ATP8B4: variants seen among roughly 807,000 people sequenced by gnomAD.
ATP8B4 encodes the protein probable phospholipid-transporting ATPase IM.
ATP8B4 carries 133 observed loss-of-function variants against 145.6 expected under a neutral mutation model. That is an observed-to-expected ratio of 0.91 (90% confidence interval 0.79 to 1.05). ATP8B4 has a LOEUF of 1.05. Among genes scored for constraint, ATP8B4 ranks in the 50% least tolerant of loss-of-function variants. The pLI, the probability that ATP8B4 is intolerant of heterozygous loss-of-function variation, is 0.00. For synonymous variants in ATP8B4, 507 were observed against 492.9 expected (o/e 1.03, Z -0.38); for missense variants, 1,458 against 1,425.2 (o/e 1.02, Z -0.37).
At chr15:50,003,280 G>C (rs2048046535) in intron 7 of ATP8B4, among the ~76,000 whole-genome samples, 1 of 145,160 alleles carries the variant, frequency 6.9e-6, no homozygotes, top group South Asian at 2.1e-4. Context: ...GTGCATGTGT[G>C]TGTGTGTGTG....
intron 17 of ATP8B4, chr15:49,922,518 G>T: frequency 3.1e-6 from 1 of 326,238 alleles, no homozygotes; most frequent in South Asian, 2.5e-5. Flanking sequence ...TGAGACAGAG[G>T]ATTTTTTTTA....
intron 13 of ATP8B4, among the ~76,000 whole-genome samples, chr15:49,963,620 G>A (rs1249706808): frequency 6.6e-6 from 1 of 152,150 alleles, no homozygotes; most frequent in Non-Finnish European, 1.5e-5. Context: ...GACATGGATA[G>A]AGCTGGAATC....
chr15:50,100,035 C>CA (rs751319243), intron 2 of ATP8B4, among the ~76,000 whole-genome samples: 11,000 of 79,956 alleles, frequency 0.14, 837 homozygotes, highest in Middle Eastern at 0.2. Flanking sequence ...AACTCCATCT[C>CA]AAAAAAAAAA....
intron 1 of ATP8B4, among the ~76,000 whole-genome samples, chr15:50,172,112 T>C (rs1473268058): frequency 3.3e-5 from 5 of 152,234 alleles, no homozygotes; most frequent in Non-Finnish European, 7.3e-5. Flanking sequence ...AGCAGTATTC[T>C]ACCAGACATT....
At position 50,106,390 on chromosome 15, in the gene ATP8B4, T is replaced by C. The variant is rs184004063; in HGVS notation, c.28+549A>G. Among the ~76,000 whole-genome samples, 214 of 152,326 alleles carry C rather than the reference T, an allele frequency of 1.4e-3. 3 individuals carry two copies. Among genetic ancestry groups the C allele is most frequent in the Admixed American group, 0.011 (174 of 15,292 alleles). ...TCAGCAAACTGAAAAGTGTTAATAA[T>C]ACTATTAATTACTCAACCAAATTAC... On this transcript the variant is annotated intron_variant, in intron 2 of 27. Transcript: ENST00000284509.
intron 20 of ATP8B4, chr15:49,908,021 G>C (rs1334087004): frequency 4.4e-6 from 2 of 455,822 alleles, no homozygotes; most frequent in Non-Finnish European, 8.8e-6. Flanking sequence ...CTGAACCACG[G>C]ACTACTTTGG....
Position 49,975,870 on chromosome 15 carries a change from A to AT in ATP8B4, c.1035-3081_1035-3080insA, listed in dbSNP as rs2045612229. The stretch of plus-strand genomic sequence containing the variant: ...GGATATTTCAGTTTCACGTCTTTGT[A>AT]ATTTACAAGGATATCCAGAACAGTA... On this transcript the variant is annotated intron_variant, in intron 12 of 27. Transcript: ENST00000284509. 4.6e-5 allele frequency among the ~76,000 whole-genome samples: 7 copies of AT among 152,148 alleles called. No homozygotes were observed. The South Asian group carries it at 1.0e-3, about 23-fold the overall frequency.
chr15:49,932,091 G>C (rs2041314821), intron 15 of ATP8B4, among the ~76,000 whole-genome samples: 1 of 151,474 alleles, frequency 6.6e-6, no homozygotes, highest in Non-Finnish European at 1.5e-5. Context: ...ATTAATTAAT[G>C]TTTAAAGACT....
At chr15:50,091,122 C>T (rs1236937950) in intron 2 of ATP8B4, among the ~76,000 whole-genome samples, 2 of 151,994 alleles carry the variant, frequency 1.3e-5, no homozygotes, top group Non-Finnish European at 2.9e-5. Context: ...AAAATTAAGT[C>T]CAGAAATTTA....
chr15:49,878,744 A>G (rs1196151875), intron 24 of ATP8B4, among the ~76,000 whole-genome samples: 1 of 152,110 alleles, frequency 6.6e-6, no homozygotes, highest in African/African-American at 2.4e-5. Context: ...AAAGAAATCC[A>G]TGCTCTTTCT....
intron 2 of ATP8B4, among the ~76,000 whole-genome samples, chr15:50,095,903 ATTC>A (rs1267675675): frequency 6.6e-6 from 1 of 152,232 alleles, no homozygotes; most frequent in Non-Finnish European, 1.5e-5. Context: ...GACTTCGAAG[ATTC>A]TTCTAATTCC....
At chr15:50,072,962 CTCTCTCTCTCTCTCTCTCTATA>C (rs2053879198) in intron 3 of ATP8B4, among the ~76,000 whole-genome samples, 1 of 34,036 alleles carries the variant, frequency 2.9e-5, no homozygotes. Flanking sequence ...CTCTCTCTCT[CTCTCTCTCTCTCTCTCTCTATA>C]TATATATATA....
rs1049925445 is a variant in ATP8B4 at position 50,043,085 on chromosome 15, A to C, written c.300+1509T>G. Among the ~76,000 whole-genome samples, 6 of 152,366 alleles carry C rather than the reference A, an allele frequency of 3.9e-5. No individual in the cohort carries two copies. The South Asian group carries it at 1.2e-3, about 32-fold the overall frequency. On this transcript the variant is annotated intron_variant, in intron 5 of 27. Coordinates refer to ENST00000284509, the MANE Select transcript of ATP8B4 (RefSeq NM_024837.4). Reference sequence around the variant, plus strand: ...ATTTTAAAGATACAGATGGGTTAAAAATAGGCAACAGGAAATATGGGTGTG... The same window carrying C: ...ATTTTAAAGATACAGATGGGTTAAACATAGGCAACAGGAAATATGGGTGTG...
In ATP8B4 at chr15:50,170,048, T is replaced by C. The variant is rs948999686; in HGVS notation, c.-43+12213A>G. Among the ~76,000 whole-genome samples, 5 of 152,030 alleles carry C rather than the reference T, an allele frequency of 3.3e-5. 1 individual carries two copies. Among genetic ancestry groups the C allele is most frequent in the Non-Finnish European group, 2.9e-5 (2 of 68,012 alleles). Reference sequence around the variant, plus strand: ...TGGGATTATGTTAAATGACCAAACCTAAAACTCATCAGTGTACCTGAGGAA... The same window carrying C: ...TGGGATTATGTTAAATGACCAAACCCAAAACTCATCAGTGTACCTGAGGAA... On this transcript the variant is annotated intron_variant, in intron 1 of 3. Coordinates refer to the ATP8B4 transcript ENST00000558829.
In ATP8B4 at chr15:49,860,254, T is replaced by C; in HGVS notation, c.3519A>G (p.Leu1173=). ...TCACGGTGTCTGTGGTTTTCTTACA[T>C]AAATTTTCAATCCAGCTAGTGCTAT... ...HYNSTSWIEN[L]CKKTTDTVSS... Residue 1173 remains leucine (L), a synonymous_variant, in exon 28 of 28, where the codon TTA becomes TTG. Coordinates refer to ENST00000284509, the MANE Select transcript of ATP8B4 (RefSeq NM_024837.4). 1.2e-6 allele frequency: 2 copies of C among 1,614,170 alleles called. No homozygotes were observed. Among genetic ancestry groups the C allele is most frequent in the Non-Finnish European group, 1.7e-6 (2 of 1,180,000 alleles).
At chr15:49,923,029 A>C (rs2040393977) in intron 17 of ATP8B4, among the ~76,000 whole-genome samples, 2 of 152,242 alleles carry the variant, frequency 1.3e-5, no homozygotes, top group Non-Finnish European at 2.9e-5. Flanking sequence ...AAGGAAAAGG[A>C]GCTCTCTGTC....
intron 3 of ATP8B4, among the ~76,000 whole-genome samples, chr15:50,067,200 C>T (rs2053441299): frequency 6.6e-6 from 1 of 152,158 alleles, no homozygotes; most frequent in Non-Finnish European, 1.5e-5. Flanking sequence ...CCACACCCAA[C>T]TTACGTTCTG....
chr15:50,020,069 C>T (rs2049417101), intron 6 of ATP8B4, among the ~76,000 whole-genome samples: 1 of 152,070 alleles, frequency 6.6e-6, no homozygotes, highest in Non-Finnish European at 1.5e-5. Flanking sequence ...ATCCTCCCTC[C>T]TCAGCCTCCT....
At chr15:49,950,112 T>C (rs1002248369) in intron 14 of ATP8B4, among the ~76,000 whole-genome samples, 3 of 152,214 alleles carry the variant, frequency 2.0e-5, no homozygotes, top group Non-Finnish European at 4.4e-5. Flanking sequence ...GATATTGGCC[T>C]GAAGTTTTCT....
Sources: allele counts gnomAD v4.1 joint callset (sites outside exome capture counted in the v4.1 genomes callset), GRCh38; gene constraint gnomAD v4.1.1; transcripts MANE v1.5; gene names NCBI Gene and HGNC (gene_info 2026-07-23, HGNC 2026-07-21).